Variants in ZNF516 observed in about 807,000 individuals in gnomAD.
ZNF516 encodes zinc finger protein 516.
ZNF516 carries 19 observed loss-of-function variants against 79.7 expected under a neutral mutation model. The ratio of observed to expected loss-of-function variants is 0.24; its 90% CI spans 0.17 to 0.35. ZNF516 has a LOEUF of 0.35. ZNF516 is among the 10% of genes least tolerant of loss of function. The pLI, the probability that ZNF516 is intolerant of heterozygous loss-of-function variation, is 1.00. For missense variants in ZNF516, 1,678 were observed against 1,679.5 expected (o/e 1.00, Z 0.02); for synonymous variants, 877 against 739.5 (o/e 1.19, Z -3.02).
At chr18:76,417,956 G>A (rs936340615) in intron 3 of ZNF516, among the ~76,000 whole-genome samples, 4 of 152,182 alleles carry the variant, frequency 2.6e-5, no homozygotes, top group African/African-American at 7.2e-5. Context: ...TAGCAGTGAC[G>A]TTTTAAAATT....
chr18:76,378,751 G>A, intron 4 of ZNF516, 104 bp downstream of exon 4: 1 of 1,469,328 alleles, frequency 6.8e-7, no homozygotes, highest in Non-Finnish European at 9.0e-7. Context: ...GGCTGGCTCT[G>A]TCCTCAGGGA....
chr18:76,464,359 G>A (rs1913316482), intron 1 of ZNF516, among the ~76,000 whole-genome samples: 1 of 152,172 alleles, frequency 6.6e-6, no homozygotes, highest in African/African-American at 2.4e-5. Context: ...GCGACAGAGT[G>A]AGACTCAGTC....
rs373540251 is a variant in ZNF516, at chr18:76,360,646, A to AAAAAAATATATATAT, written c.*1851_*1852insATATATATATTTTTT. On this transcript the variant is annotated 3_prime_UTR_variant, in exon 7 of 7. Transcript: ENST00000443185. ...AAAAAAATAAGTAAAAAAAAAAAAA[A>AAAAAAATATATATAT]ATATATATATATATATATATATATA... The AAAAAAATATATATAT allele has an allele frequency of 2.8e-5, 2 of 72,464 alleles. No homozygotes were observed. Among genetic ancestry groups the AAAAAAATATATATAT allele is most frequent in the African/African-American group, 6.1e-5 (1 of 16,376 alleles). The allele number at this position is 72,464 out of a possible 1,614,324, so 4.5% of individuals were successfully genotyped here.
intron 3 of ZNF516, among the ~76,000 whole-genome samples, chr18:76,408,505 G>A (rs1161680244): frequency 6.6e-6 from 1 of 152,168 alleles, no homozygotes; most frequent in Non-Finnish European, 1.5e-5. Context: ...TGAGGTTTAA[G>A]GGATGGTTTA....
chr18:76,430,685 G>A (rs112262522), intron 3 of ZNF516, among the ~76,000 whole-genome samples: 2,407 of 152,274 alleles, frequency 0.016, 29 homozygotes, highest in Middle Eastern at 0.041. Context: ...TAACCAAGTA[G>A]GTTATTAAAT....
chr18:76,369,898 G>A (rs1222295416), intron 6 of ZNF516, among the ~76,000 whole-genome samples: 2 of 152,192 alleles, frequency 1.3e-5, no homozygotes, highest in African/African-American at 2.4e-5. Flanking sequence ...CAAGAGACCC[G>A]CTGCGGGCTG....
intron 4 of ZNF516, chr18:76,378,415 C>T (rs2074822416): frequency 6.4e-6 from 1 of 156,792 alleles, no homozygotes; most frequent in African/African-American, 2.4e-5. Context: ...AAAAATAAAA[C>T]TTAATACATT....
upstream of ZNF516, chr18:76,496,155 C>T: frequency 1.6e-6 from 1 of 631,778 alleles, no homozygotes; most frequent in Non-Finnish European, 2.0e-6. Context: ...GAGGGGAGGG[C>T]GGGCGCGCGG....
In ZNF516 at chr18:76,360,580, G is replaced by A. The variant is rs531587056; in HGVS notation, c.*1918C>T. 2 of 137,694 alleles carry A rather than the reference G, an allele frequency of 1.5e-5. No homozygotes were observed. Among genetic ancestry groups the A allele is most frequent in the African/African-American group, 2.8e-5 (1 of 36,340 alleles). 8.5% of individuals were successfully genotyped at this position (137,694 alleles called of 1,614,324 possible). A position where few individuals can be genotyped will look rare whatever the true frequency, so the allele number is the denominator to read the frequency against. ...ATGGACATTCCTAATTACACCAACA[G>A]GACAGATCATTTTCGTACATATCTG... On this transcript the variant is annotated 3_prime_UTR_variant, in exon 7 of 7. Transcript: ENST00000443185.
At position 76,432,962 on chromosome 18, in the gene ZNF516, A is replaced by G. The variant is rs192761412; in HGVS notation, c.1810+8283T>C. ...AGAAGGGAAGAAGGCGACCTCCCCAAATCCTCACTCCATTGAGTCCAACAA... is the reference window on the plus strand; with the variant it reads ...AGAAGGGAAGAAGGCGACCTCCCCAGATCCTCACTCCATTGAGTCCAACAA... On this transcript the variant is annotated intron_variant, in intron 3 of 6. Coordinates refer to ENST00000443185, the MANE Select transcript of ZNF516 (RefSeq NM_014643.4). 6.5e-4 allele frequency among the ~76,000 whole-genome samples: 99 copies of G among 152,004 alleles called. 1 individual carries two copies. Among genetic ancestry groups the G allele is most frequent in the Non-Finnish European group, 1.8e-4 (12 of 67,950 alleles).
chr18:76,447,327 G>A (rs1044737428), intron 2 of ZNF516, among the ~76,000 whole-genome samples: 7 of 152,342 alleles, frequency 4.6e-5, no homozygotes, highest in Admixed American at 4.6e-4. Flanking sequence ...AAGCCAGGAG[G>A]GTTTCGATGG....
intron 2 of ZNF516, among the ~76,000 whole-genome samples, chr18:76,456,644 C>A (rs1365803018): frequency 6.6e-6 from 1 of 151,472 alleles, no homozygotes; most frequent in Non-Finnish European, 1.5e-5. Context: ...ACACAGTCAA[C>A]CCCGACGGTC....
intron 3 of ZNF516, chr18:76,387,049 C>G (rs994492172): frequency 6.6e-6 from 1 of 152,274 alleles, no homozygotes; most frequent in African/African-American, 2.4e-5. Flanking sequence ...TCGCTGGAGT[C>G]CCTGCCACCT....
intron 3 of ZNF516, among the ~76,000 whole-genome samples, chr18:76,384,025 G>A (rs545487892): frequency 3.0e-4 from 45 of 152,314 alleles, no homozygotes; most frequent in African/African-American, 1.1e-3. Flanking sequence ...TAAGACGAGG[G>A]GCCTCCCAGG....
At chr18:76,416,980 CAT>C (rs746835894) in intron 3 of ZNF516, among the ~76,000 whole-genome samples, 2 of 152,088 alleles carry the variant, frequency 1.3e-5, no homozygotes, top group Non-Finnish European at 2.9e-5. Flanking sequence ...GCCTGGGAAA[CAT>C]AACCCAAAGA....
intron 1 of ZNF516, among the ~76,000 whole-genome samples, chr18:76,468,883 T>C (rs1217668755): frequency 6.6e-6 from 1 of 152,014 alleles, no homozygotes; most frequent in African/African-American, 2.4e-5. Flanking sequence ...CAAAGAGTGT[T>C]TGTTGCCAGG....
chr18:76,487,529 G>A (rs907138200), intron 1 of ZNF516, among the ~76,000 whole-genome samples: 1 of 152,134 alleles, frequency 6.6e-6, no homozygotes, highest in African/African-American at 2.4e-5. Context: ...ACATTCTAAA[G>A]TCATAGTAAA....
chr18:76,369,688 C>G (rs980406280), intron 6 of ZNF516, among the ~76,000 whole-genome samples: 1 of 152,186 alleles, frequency 6.6e-6, no homozygotes, highest in African/African-American at 2.4e-5. Context: ...AGCGCAGGGA[C>G]ACAAACTGAA....
intron 3 of ZNF516, among the ~76,000 whole-genome samples, chr18:76,414,015 T>C (rs924081482): frequency 6.6e-6 from 1 of 152,222 alleles, no homozygotes; most frequent in Non-Finnish European, 1.5e-5. Context: ...AACAAAAAGT[T>C]TTATTCTTGA....
Sources: gnomAD v4.1 joint callset for allele counts (sites outside exome capture counted in the v4.1 genomes callset) on GRCh38, gnomAD v4.1.1 for gene constraint, MANE v1.5 for transcripts, NCBI Gene and HGNC (gene_info 2026-07-23, HGNC 2026-07-21) for gene names.